SELENOM: variants seen among roughly 807,000 people sequenced by gnomAD.
The protein encoded by SELENOM is selenoprotein M.
Under a neutral mutation model 14.5 loss-of-function variants are expected in SELENOM, and 17 were observed. The observed-to-expected ratio is 1.17, with a 90% CI of 0.80 to 1.76. The LOEUF (loss-of-function observed/expected upper bound fraction) is 1.76, where lower values mean the gene tolerates loss of function less well. SELENOM is among the 40% of genes most tolerant of loss of function. The pLI is 0.00. For synonymous variants in SELENOM, 102 were observed against 93.3 expected (o/e 1.09, Z -0.54); for missense variants, 230 against 204.6 (o/e 1.12, Z -0.76).
rs113723658 is a variant in SELENOM, at chr22:31,105,695, G to A, written c.166-3C>T. On this transcript the variant is annotated splice_region_variant and splice_polypyrimidine_tract_variant and intron_variant, in intron 2 of 4. Coordinates refer to ENST00000400299, the MANE Select transcript of SELENOM (RefSeq NM_080430.4). ...TCCTGCGTGACGAAAGCCTTCACCT[G>A]GGGAGGAACCAGAGCATCAGAGACC... is the stretch of plus-strand genomic sequence containing the variant. The A allele has an allele frequency of 1.2e-6, 2 of 1,613,974 alleles. No individual in the cohort carries two copies. Among genetic ancestry groups the A allele is most frequent in the Non-Finnish European group, 8.5e-7 (1 of 1,179,884 alleles).
intron 2 of SELENOM, 45 bp downstream of exon 2, chr22:31,105,885 A>C (rs1260556487): frequency 6.3e-7 from 1 of 1,596,106 alleles, no homozygotes; most frequent in South Asian, 1.1e-5. Context: ...ACTCCCCAAG[A>C]GGCTCAGGGG....
rs2044368554 is a variant in SELENOM at position 31,104,835 on chromosome 22, C to T, written c.*135G>A. ...AGGAAGAAAGTGGGGTTGGGAGAAC[C>T]TCCCCAACCCCATCCCTGCTGGCCC... is the stretch of plus-strand genomic sequence containing the variant. On this transcript the variant is annotated 3_prime_UTR_variant, in exon 5 of 5. Coordinates refer to ENST00000400299, the MANE Select transcript of SELENOM (RefSeq NM_080430.4). 1 of 1,000,980 alleles carries T rather than the reference C, an allele frequency of 1.0e-6. No individual in the cohort carries two copies. The highest frequency in any genetic ancestry group is 1.4e-6 in the Non-Finnish European group (1 of 710,376). The allele number at this position is 1,000,980 out of a possible 1,614,324, so 62.0% of individuals were successfully genotyped here.
chr22:31,107,140 G>A, intron 1 of SELENOM: 5 of 534,282 alleles, frequency 9.4e-6, no homozygotes, highest in South Asian at 9.1e-5. Context: ...TGTCGGACCG[G>A]GTAGGGGGAG....
chr22:31,107,419 C>T lies in SELENOM; in HGVS notation c.87G>A (p.Pro29=), dbSNP rs762328251. 1.9e-6 allele frequency: 3 copies of T among 1,589,320 alleles called. No homozygotes were observed. Among genetic ancestry groups the T allele is most frequent in the East Asian group, 2.3e-5 (1 of 43,494 alleles). Residue 29 remains proline, a synonymous_variant, in exon 1 of 5, where the codon CCG becomes CCA. Transcript: ENST00000400299. ...APATAATAYR[P]DWNRLSGLTR... Reference sequence around the variant, plus strand: ...TTAGGCCGCTCAGACGGTTCCAGTCCGGCCGGTAGGCAGTGGCGGCTGTGG... The same window carrying T: ...TTAGGCCGCTCAGACGGTTCCAGTCTGGCCGGTAGGCAGTGGCGGCTGTGG...
In SELENOM at chr22:31,105,138, A is replaced by G. The variant is rs761677192; in HGVS notation, c.280-10T>C. 15 of 1,613,458 alleles carry G rather than the reference A, an allele frequency of 9.3e-6. No homozygotes were observed. Among genetic ancestry groups the G allele is most frequent in the Non-Finnish European group, 1.3e-5 (15 of 1,179,770 alleles). On this transcript the variant is annotated splice_polypyrimidine_tract_variant and intron_variant, in intron 4 of 4. Transcript: ENST00000400299. ...CACTGAGTGGGATGCGCTGAGGCGGAGGAGGGGCGGGGTCAGCAGGCTGGG... is the reference window on the plus strand; with the variant it reads ...CACTGAGTGGGATGCGCTGAGGCGGGGGAGGGGCGGGGTCAGCAGGCTGGG...
At chr22:31,107,197 C>T in intron 1 of SELENOM, 180 bp downstream of exon 1, 1 of 763,428 alleles carries the variant, frequency 1.3e-6, no homozygotes. Flanking sequence ...GTGTCTCAGG[C>T]TTCCACGGTG....
intron 1 of SELENOM, 173 bp downstream of exon 1, chr22:31,107,204 G>T: frequency 2.5e-6 from 2 of 798,864 alleles, no homozygotes; most frequent in Non-Finnish European, 3.7e-6. Context: ...AGGCTTCCAC[G>T]GTGGATGCTG....
At chr22:31,107,260 G>C (rs2044414022) in intron 1 of SELENOM, 117 bp downstream of exon 1, 2 of 1,293,258 alleles carry the variant, frequency 1.5e-6, no homozygotes, top group Non-Finnish European at 2.1e-6. Flanking sequence ...CCGGCGCCAG[G>C]GGGAAAGCAG....
Position 31,107,542 on chromosome 22 carries a change from G to T in SELENOM, c.-37C>A. ...CGCAGATGATGCGCAAGCTGGAGGCGAACCTCCGAGTCGCTGCGCCACGTC... is the reference window on the plus strand; with the variant it reads ...CGCAGATGATGCGCAAGCTGGAGGCTAACCTCCGAGTCGCTGCGCCACGTC... On this transcript the variant is annotated 5_prime_UTR_variant, in exon 1 of 5. Transcript: ENST00000400299. 1 of 1,500,100 alleles carries T rather than the reference G, an allele frequency of 6.7e-7. No individual in the cohort carries two copies. The highest frequency in any genetic ancestry group is 8.9e-7 in the Non-Finnish European group (1 of 1,125,066). The allele number at this position is 1,500,100 out of a possible 1,614,324, so 92.9% of individuals were successfully genotyped here.
At chr22:31,105,848 G>A (rs2044398385) in intron 2 of SELENOM, 82 bp downstream of exon 2, 6 of 1,499,470 alleles carry the variant, frequency 4.0e-6, no homozygotes, top group South Asian at 1.1e-5. Context: ...CCCCCTCCCC[G>A]CCCCAGTCAT....
At chr22:31,105,720 C>G in intron 2 of SELENOM, 28 bp from the exon 3 acceptor site, 1 of 1,613,490 alleles carries the variant, frequency 6.2e-7, no homozygotes, top group Middle Eastern at 1.7e-4. Flanking sequence ...CATCAGAGAC[C>G]ATGACCTCAG....
chr22:31,105,160 T>TGGGCCTCGCCTC (rs1175837076), intron 4 of SELENOM, 32 bp from the exon 5 acceptor site: 1 of 1,613,128 alleles, frequency 6.2e-7, no homozygotes, highest in Non-Finnish European at 8.5e-7. Flanking sequence ...GTCAGCAGGC[T>TGGGCCTCGCCTC]GGGCCTCGCC....
Position 31,107,441 on chromosome 22 carries a change from G to C in SELENOM, c.65C>G (p.Thr22Arg). ...GTCCGGCCGGTAGGCAGTGGCGGCT[G>C]TGGCTGGGGCCACAAGCGCCGCGAG... The part of the protein sequence containing the change: ...LLLAALVAPA[T>R]AATAYRPDWN... Residue 22 changes from threonine (T) to arginine (R), a missense_variant, in exon 1 of 5, where the codon ACA (threonine) becomes AGA (arginine). By Grantham distance (71) the Thr-to-Arg change is moderately conservative (BLOSUM62 -1). Transcript: ENST00000400299. 1 of 1,572,590 alleles carries C rather than the reference G, an allele frequency of 6.4e-7. No individual in the cohort carries two copies.
In SELENOM at chr22:31,105,292, G is replaced by A. The variant is rs1489361818; in HGVS notation, c.201-6C>T. On this transcript the variant is annotated splice_region_variant and splice_polypyrimidine_tract_variant and intron_variant, in intron 3 of 4. Coordinates refer to ENST00000400299, the MANE Select transcript of SELENOM (RefSeq NM_080430.4). ...GTTTCATCACCAGGTTGTGACTGGAGGTGGTGTTAAGGAGCGGGGTGGTGG... is the reference window on the plus strand; with the variant it reads ...GTTTCATCACCAGGTTGTGACTGGAAGTGGTGTTAAGGAGCGGGGTGGTGG... 12 of 1,609,348 alleles carry A rather than the reference G, an allele frequency of 7.5e-6. No homozygotes were observed. Among genetic ancestry groups the A allele is most frequent in the Non-Finnish European group, 1.0e-5 (12 of 1,178,024 alleles).
Position 31,107,410 on chromosome 22 carries a change from G to T in SELENOM, c.96C>A (p.Asn32Lys). 3 of 1,591,950 alleles carry T rather than the reference G, an allele frequency of 1.9e-6. No individual in the cohort carries two copies. The highest frequency in any genetic ancestry group is 2.6e-6 in the Non-Finnish European group (3 of 1,171,392). ...TAATAYRPDW[N>K]RLSGLTRARV... ...GGGCGCGGGTTAGGCCGCTCAGACG[G>T]TTCCAGTCCGGCCGGTAGGCAGTGG... The change falls in exon 1 of 5, where the codon AAC (asparagine) becomes AAA (lysine). Residue 32 changes from asparagine to lysine, a missense_variant. Physicochemically the swap from Asn to Lys is moderately conservative, Grantham distance 94 (BLOSUM62 0). Transcript: ENST00000400299.
intron 1 of SELENOM, chr22:31,107,165 G>C: frequency 1.7e-6 from 1 of 583,486 alleles, no homozygotes; most frequent in Non-Finnish European, 2.9e-6. Context: ...GGAAGGGTTC[G>C]GAGTTCCAGG....
At chr22:31,107,255 G>T (rs1216585770) in intron 1 of SELENOM, 122 bp downstream of exon 1, 4 of 1,259,510 alleles carry the variant, frequency 3.2e-6, no homozygotes, top group Non-Finnish European at 4.3e-6. Flanking sequence ...TGGTCCCGGC[G>T]CCAGGGGGAA....
intron 2 of SELENOM, 40 bp from the exon 3 acceptor site, chr22:31,105,732 C>A (rs1331931665): frequency 6.2e-7 from 1 of 1,607,710 alleles, no homozygotes; most frequent in African/African-American, 1.3e-5. Context: ...TGACCTCAGT[C>A]TACTCGAGGT....
rs2044417958 is a variant in SELENOM at position 31,107,564 on chromosome 22, C to A, written c.-59G>T. The A allele has an allele frequency of 2.8e-6, 4 of 1,436,190 alleles. No homozygotes were observed. The East Asian group carries it at 8.3e-5, about 30-fold the overall frequency. The allele number at this position is 1,436,190 out of a possible 1,614,324, so 89.0% of individuals were successfully genotyped here. A position where few individuals can be genotyped will look rare whatever the true frequency, so the allele number is the denominator to read the frequency against. On this transcript the variant is annotated 5_prime_UTR_variant, in exon 1 of 5. Coordinates refer to ENST00000400299, the MANE Select transcript of SELENOM (RefSeq NM_080430.4). ...GGCGAACCTCCGAGTCGCTGCGCCA[C>A]GTCTGGGCCCCCAGGCTGGCCCCGC...
Sources: allele counts gnomAD v4.1 joint callset, GRCh38; gene constraint gnomAD v4.1.1; transcripts MANE v1.5; gene names NCBI Gene and HGNC (gene_info 2026-07-23, HGNC 2026-07-21).